The following PTPRN2 variants were observed in gnomAD, a reference collection of about 807,000 sequenced individuals.
PTPRN2 encodes protein tyrosine phosphatase receptor type N2, also known as receptor-type tyrosine-protein phosphatase N2.
PTPRN2 carries 74 observed loss-of-function variants against 118.8 expected under a neutral mutation model. The ratio of observed to expected loss-of-function variants is 0.62; its 90% CI spans 0.52 to 0.76. PTPRN2 has a LOEUF of 0.76. Ranked by LOEUF, PTPRN2 falls within the 30% of genes least tolerant of loss-of-function variation. The pLI, the probability that PTPRN2 is intolerant of heterozygous loss-of-function variation, is 0.00. For synonymous variants in PTPRN2, 641 were observed against 608.0 expected (o/e 1.05, Z -0.80); for missense variants, 1,481 against 1,394.4 (o/e 1.06, Z -0.99).
At position 157,817,968 on chromosome 7, in the gene PTPRN2, CTGTT is replaced by C. The variant is rs375337702; in HGVS notation, c.1788+80701_1788+80704del. On this transcript the variant is annotated intron_variant, in intron 12 of 22. Coordinates refer to ENST00000389418, the MANE Select transcript of PTPRN2 (RefSeq NM_002847.5). Reference sequence around the variant, plus strand: ...TGTGTGTTATGTGCATGGTGTGTGCCTGTTTGTACATGTGTGATATATGTGTTGT... The same window carrying C: ...TGTGTGTTATGTGCATGGTGTGTGCCTGTACATGTGTGATATATGTGTTGT... 1.9e-4 allele frequency among the ~76,000 whole-genome samples: 29 copies of C among 151,256 alleles called. No homozygotes were observed. The Middle Eastern group carries it at 0.01, about 53-fold the overall frequency.
chr7:158,543,191 T>C (rs1826088399), intron 1 of PTPRN2, among the ~76,000 whole-genome samples: 1 of 152,216 alleles, frequency 6.6e-6, no homozygotes, highest in South Asian at 2.1e-4. Context: ...GAAATGAGGA[T>C]GTGGCTGCAG....
intron 9 of PTPRN2, among the ~76,000 whole-genome samples, chr7:158,120,420 G>T (rs1430506658): frequency 6.6e-6 from 1 of 152,140 alleles, no homozygotes; most frequent in East Asian, 1.9e-4. Flanking sequence ...ATGACGTGTG[G>T]CTGCTCCCCA....
intron 2 of PTPRN2, among the ~76,000 whole-genome samples, chr7:158,458,202 C>T (rs1177729989): frequency 6.6e-6 from 1 of 152,182 alleles, no homozygotes; most frequent in Non-Finnish European, 1.5e-5. Flanking sequence ...CTTTCCTGCC[C>T]CAGACGCCAC....
chr7:158,276,574 TG>T (rs1799020317), intron 3 of PTPRN2, among the ~76,000 whole-genome samples: 1 of 151,970 alleles, frequency 6.6e-6, no homozygotes, highest in South Asian at 2.1e-4. Context: ...TGGGCAGTCG[TG>T]GTGACCGCAT....
rs751518923 is a variant in PTPRN2, at chr7:158,120,203, G to A, written c.1557-9288C>T. 3.0e-4 allele frequency among the ~76,000 whole-genome samples: 45 copies of A among 152,194 alleles called. 1 individual carries two copies. Among genetic ancestry groups the A allele is most frequent in the Non-Finnish European group, 5.4e-4 (37 of 68,034 alleles). ...GGCTGCCAGGGGCTGGGGTAGGGTA[G>A]TGTTTAATGGGGATGAAACTTCAGT... On this transcript the variant is annotated intron_variant, in intron 9 of 22. Coordinates refer to ENST00000389418, the MANE Select transcript of PTPRN2 (RefSeq NM_002847.5).
intron 8 of PTPRN2, among the ~76,000 whole-genome samples, chr7:158,135,563 G>A (rs1392312906): frequency 6.6e-6 from 1 of 152,066 alleles, no homozygotes; most frequent in Non-Finnish European, 1.5e-5. Context: ...AGAATTCCAC[G>A]CATGGAGGAT....
chr7:158,328,491 C>T (rs1049393671), intron 2 of PTPRN2, among the ~76,000 whole-genome samples: 2 of 152,344 alleles, frequency 1.3e-5, no homozygotes, highest in Middle Eastern at 3.4e-3. Context: ...TGCCTGGGAG[C>T]GGCCAGCACA....
At chr7:157,982,765 G>T in intron 11 of PTPRN2, among the ~76,000 whole-genome samples, 1 of 115,848 alleles carries the variant, frequency 8.6e-6, no homozygotes. Context: ...AGAGTGCAGG[G>T]TCCCCCCCAA....
At chr7:157,745,254 T>C (rs1225926152) in intron 12 of PTPRN2, among the ~76,000 whole-genome samples, 1 of 152,108 alleles carries the variant, frequency 6.6e-6, no homozygotes, top group African/African-American at 2.4e-5. Flanking sequence ...GGTCCTTCTG[T>C]GTATGTCTCA....
At chr7:157,584,224 C>T (rs1209949077) in intron 17 of PTPRN2, among the ~76,000 whole-genome samples, 2 of 152,190 alleles carry the variant, frequency 1.3e-5, no homozygotes, top group Non-Finnish European at 2.9e-5. Context: ...GAAAGCTTCT[C>T]CTCCTTCTAC....
At chr7:158,010,655 C>T (rs1805975352) in intron 11 of PTPRN2, among the ~76,000 whole-genome samples, 1 of 152,152 alleles carries the variant, frequency 6.6e-6, no homozygotes. Context: ...AAAGTTATTC[C>T]AAATAAATAT....
rs532809907 is a variant in PTPRN2 at position 158,062,295 on chromosome 7, C to T, written c.1723+19003G>A. ...GACTGAAACTCAGTCCTGTGGACAC[C>T]AGCCAGGGCTGCAGGTGCTGGCTGT... On this transcript the variant is annotated intron_variant, in intron 11 of 22. Coordinates refer to ENST00000389418, the MANE Select transcript of PTPRN2 (RefSeq NM_002847.5). Among the ~76,000 whole-genome samples, 5 of 152,360 alleles carry T rather than the reference C, an allele frequency of 3.3e-5. No homozygotes were observed. In the East Asian group the frequency reaches 9.7e-4, roughly 29 times the overall value.
At chr7:157,896,766 G>A (rs987755999) in intron 12 of PTPRN2, among the ~76,000 whole-genome samples, 1 of 152,220 alleles carries the variant, frequency 6.6e-6, no homozygotes, top group African/African-American at 2.4e-5. Context: ...CATGGCAGAA[G>A]CCACTTGGGC....
At position 158,178,626 on chromosome 7, in the gene PTPRN2, T is replaced by C. The variant is rs180917559; in HGVS notation, c.550-11335A>G. Among the ~76,000 whole-genome samples, 181 of 143,522 alleles carry C rather than the reference T, an allele frequency of 1.3e-3. 2 individuals carry two copies. The highest frequency in any genetic ancestry group is 4.6e-3 in the African/African-American group (175 of 37,802). The allele number at this position is 143,522 out of a possible 152,430, so 94.2% of individuals were successfully genotyped here. On this transcript the variant is annotated intron_variant, in intron 5 of 22. Coordinates refer to ENST00000389418, the MANE Select transcript of PTPRN2 (RefSeq NM_002847.5). The stretch of plus-strand genomic sequence containing the variant: ...TTTTTTTTTTTTTTTTAAGATGGAG[T>C]CTTGCTCTGTTGCCAGGCTGGAGTG...
At chr7:158,149,406 A>T (rs1210993802) in intron 6 of PTPRN2, among the ~76,000 whole-genome samples, 1 of 152,082 alleles carries the variant, frequency 6.6e-6, no homozygotes, top group African/African-American at 2.4e-5. Flanking sequence ...CTCTTAAAAC[A>T]TAAAATGTAT....
At position 157,897,393 on chromosome 7, in the gene PTPRN2, G is replaced by C. The variant is rs575400779; in HGVS notation, c.1788+1280C>G. 5.3e-5 allele frequency among the ~76,000 whole-genome samples: 8 copies of C among 152,238 alleles called. No individual in the cohort carries two copies. In the South Asian group the frequency reaches 1.5e-3, roughly 28 times the overall value. On this transcript the variant is annotated intron_variant, in intron 12 of 22. Coordinates refer to ENST00000389418, the MANE Select transcript of PTPRN2 (RefSeq NM_002847.5). ...GCAGGTGGCTCTCGGCAGCCCCCAA[G>C]ACTCTTGGCTTCTTTCTCACCCTTC... is the stretch of plus-strand genomic sequence containing the variant.
intron 1 of PTPRN2, among the ~76,000 whole-genome samples, chr7:158,491,246 C>T (rs1310224090): frequency 6.6e-6 from 1 of 152,244 alleles, no homozygotes; most frequent in Non-Finnish European, 1.5e-5. Context: ...AACAGCTTCA[C>T]GAGCCTTCCA....
At chr7:158,367,191 A>G (rs1460677515) in intron 2 of PTPRN2, among the ~76,000 whole-genome samples, 1 of 152,200 alleles carries the variant, frequency 6.6e-6, no homozygotes, top group Non-Finnish European at 1.5e-5. Context: ...TGGCCCAGGC[A>G]CAAGCATGCT....
Position 157,945,156 on chromosome 7 carries a change from C to T in PTPRN2, c.1724-46419G>A, listed in dbSNP as rs1036003960. 1.5e-4 allele frequency among the ~76,000 whole-genome samples: 23 copies of T among 152,226 alleles called. No individual in the cohort carries two copies. The East Asian group carries it at 2.3e-3, about 15-fold the overall frequency. On this transcript the variant is annotated intron_variant, in intron 11 of 22. Coordinates refer to ENST00000389418, the MANE Select transcript of PTPRN2 (RefSeq NM_002847.5). The stretch of plus-strand genomic sequence containing the variant: ...CAGAGCAGGGATCCGTGCAGGGATG[C>T]GGAGGCCCCAGTGCTGGGTGTTCAG...
Sources: allele counts gnomAD v4.1 joint callset (sites outside exome capture counted in the v4.1 genomes callset), GRCh38; gene constraint gnomAD v4.1.1; transcripts MANE v1.5; gene names NCBI Gene and HGNC (gene_info 2026-07-23, HGNC 2026-07-21).